The following TANC2 variants were observed in gnomAD, a reference collection of about 807,000 sequenced individuals.
TANC2 encodes the protein tetratricopeptide repeat, ankyrin repeat and coiled-coil containing 2.
Under a neutral mutation model 210.5 loss-of-function variants are expected in TANC2, and 26 were observed. That is an observed-to-expected ratio of 0.12 (90% CI 0.09 to 0.17). The LOEUF (loss-of-function observed/expected upper bound fraction) is 0.17, where lower values mean the gene tolerates loss of function less well. Ranked by LOEUF, TANC2 falls within the 10% of genes least tolerant of loss-of-function variation. TANC2 has a pLI of 1.00. For missense variants in TANC2, 2,129 were observed against 2,608.9 expected (o/e 0.82, Z 4.01); for synonymous variants, 931 against 967.1 (o/e 0.96, Z 0.69).
At chr17:63,058,094 A>G (rs1361136388) in intron 2 of TANC2, among the ~76,000 whole-genome samples, 3 of 152,120 alleles carry the variant, frequency 2.0e-5, no homozygotes, top group African/African-American at 7.2e-5. Flanking sequence ...GCCAGTATCT[A>G]TCATTTTTTT....
At chr17:63,040,679 A>G (rs1293632024) in intron 2 of TANC2, among the ~76,000 whole-genome samples, 1 of 152,182 alleles carries the variant, frequency 6.6e-6, no homozygotes, top group Non-Finnish European at 1.5e-5. Context: ...TGCTGTATTA[A>G]TAGCACAGAA....
intron 9 of TANC2, among the ~76,000 whole-genome samples, chr17:63,282,717 T>C (rs1459782687): frequency 1.3e-5 from 2 of 152,118 alleles, no homozygotes; most frequent in African/African-American, 4.8e-5. Context: ...TTTTAAACTT[T>C]TGATATTCTA....
In TANC2 at chr17:63,009,015, G is replaced by C. The variant is rs181412762; in HGVS notation, c.-23-522G>C. Among the ~76,000 whole-genome samples the C allele has an allele frequency of 4.0e-3, 601 of 152,036 alleles. 2 individuals are homozygous for C. Among genetic ancestry groups the C allele is most frequent in the Non-Finnish European group, 6.2e-3 (422 of 67,946 alleles). On this transcript the variant is annotated intron_variant, in intron 1 of 27. Transcript: ENST00000689528. ...ATTTCTTAGGGTGGTCAAAAGTATTGTATTCTTTTAAGGAATTATTTAAAT... is the reference window on the plus strand; with the variant it reads ...ATTTCTTAGGGTGGTCAAAAGTATTCTATTCTTTTAAGGAATTATTTAAAT...
chr17:63,069,313 C>T (rs2036313849), intron 2 of TANC2, among the ~76,000 whole-genome samples: 2 of 152,026 alleles, frequency 1.3e-5, no homozygotes, highest in African/African-American at 4.8e-5. Flanking sequence ...CCTGTGAATT[C>T]TAGAATATTT....
At chr17:63,325,568 G>C (rs2045622134) in intron 11 of TANC2, among the ~76,000 whole-genome samples, 3 of 152,086 alleles carry the variant, frequency 2.0e-5, no homozygotes, top group African/African-American at 4.8e-5. Flanking sequence ...AATTGCCTCT[G>C]TTTCCTGCTA....
rs1410675118 is a variant in TANC2, at chr17:63,154,614, C to A, written c.433+3234C>A. The A allele has an allele frequency of 2.0e-5, 3 of 152,032 alleles. No homozygotes were observed. In the East Asian group the frequency reaches 5.8e-4, roughly 29 times the overall value. The allele number at this position is 152,032 out of a possible 1,614,324, so 9.4% of individuals were successfully genotyped here. On this transcript the variant is annotated intron_variant, in intron 5 of 27. Coordinates refer to ENST00000689528, the Ensembl canonical transcript of TANC2. ...AAAAATAGAGATGATAATTTTAAAT[C>A]AGTTTAATATATATAAAGCACTTAG...
rs1416660198 is a variant in TANC2, at chr17:63,415,685, G to A, written c.4167+11G>A. ...CGCAGGAAAATGAACGTAAGTCCCTGTCACCCCAACTCCTTTCTGCAATCC... is the reference window on the plus strand; with the variant it reads ...CGCAGGAAAATGAACGTAAGTCCCTATCACCCCAACTCCTTTCTGCAATCC... On this transcript the variant is annotated intron_variant, in intron 26 of 27. Transcript: ENST00000689528. 12 of 1,611,242 alleles carry A rather than the reference G, an allele frequency of 7.4e-6. No homozygotes were observed. Among genetic ancestry groups the A allele is most frequent in the Non-Finnish European group, 1.0e-5 (12 of 1,178,600 alleles).
Position 63,412,732 on chromosome 17 carries a change from T to A in TANC2, c.3928+23T>A. ...GAGGTATATTTCACCGCTGTCAGCA[T>A]CAGGCGTGGTCTGATGGCTTGGTCA... On this transcript the variant is annotated intron_variant, in intron 24 of 27. Transcript: ENST00000689528. This position sits in a 1 kb window ranked among gnomAD's most constrained non-coding sequence, Gnocchi z 4.2. 6.5e-7 allele frequency: 1 copy of A among 1,535,998 alleles called. No individual in the cohort carries two copies. The highest frequency in any genetic ancestry group is 8.7e-7 in the Non-Finnish European group (1 of 1,146,876).
At chr17:63,151,300 G>A (rs1234424611) in exon 5 of TANC2, 79 of 985,490 alleles carry the variant, frequency 8.0e-5, no homozygotes, top group Non-Finnish European at 9.4e-5. Context: ...TTTGTTGAGA[G>A]CCCACGAATT....
At chr17:63,254,407 A>G (rs1352232430) in intron 8 of TANC2, among the ~76,000 whole-genome samples, 2 of 152,166 alleles carry the variant, frequency 1.3e-5, no homozygotes, top group Non-Finnish European at 2.9e-5. Flanking sequence ...ATATAAGATC[A>G]TATCATCTGC....
At chr17:63,280,159 ATTCCAC>A (rs1372166880) in intron 9 of TANC2, among the ~76,000 whole-genome samples, 1 of 152,104 alleles carries the variant, frequency 6.6e-6, no homozygotes, top group African/African-American at 2.4e-5. Flanking sequence ...AAAGCAGTTA[ATTCCAC>A]TTGCCCAGGG....
chr17:63,047,139 C>T (rs1310935296), intron 2 of TANC2, among the ~76,000 whole-genome samples: 2 of 152,104 alleles, frequency 1.3e-5, no homozygotes, highest in Non-Finnish European at 2.9e-5. Context: ...ATCCCCACTC[C>T]TTAGGTATAC....
intron 10 of TANC2, among the ~76,000 whole-genome samples, chr17:63,317,998 C>G (rs948511851): frequency 1.3e-5 from 2 of 152,162 alleles, no homozygotes; most frequent in African/African-American, 4.8e-5. Flanking sequence ...TCACACAGTC[C>G]TTGAGGCTTC....
chr17:63,232,382 T>A (rs1175411766), intron 7 of TANC2, among the ~76,000 whole-genome samples: 1 of 152,250 alleles, frequency 6.6e-6, no homozygotes, highest in Non-Finnish European at 1.5e-5. Flanking sequence ...CTTTCTCATC[T>A]TCGTGAGTTC....
Position 63,177,295 on chromosome 17 carries a change from T to C in TANC2, c.434-16696T>C, listed in dbSNP as rs2040622530. ...AAAAAAAAAAAAAACACAAAATTTATTGAATTGTATATGTTATATAGGTAA... is the reference window on the plus strand; with the variant it reads ...AAAAAAAAAAAAAACACAAAATTTACTGAATTGTATATGTTATATAGGTAA... On this transcript the variant is annotated intron_variant, in intron 5 of 27. Coordinates refer to ENST00000689528, the Ensembl canonical transcript of TANC2. Among the ~76,000 whole-genome samples, 3 of 150,156 alleles carry C rather than the reference T, an allele frequency of 2.0e-5. No individual in the cohort carries two copies. The South Asian group carries it at 6.3e-4, about 31-fold the overall frequency.
rs564518816 is a variant in TANC2 at position 63,138,874 on chromosome 17, T to C, written c.323-12396T>C. Among the ~76,000 whole-genome samples, 9 of 152,360 alleles carry C rather than the reference T, an allele frequency of 5.9e-5. No homozygotes were observed. The South Asian group carries it at 1.7e-3, about 28-fold the overall frequency. The stretch of plus-strand genomic sequence containing the variant: ...ACCACACTTGTCTAAGTTACGAAGC[T>C]GCATTGTAACCATGGACATAGATTC... On this transcript the variant is annotated intron_variant, in intron 4 of 27. Transcript: ENST00000689528.
intron 8 of TANC2, among the ~76,000 whole-genome samples, chr17:63,248,941 T>A (rs1024485978): frequency 6.6e-6 from 1 of 152,132 alleles, no homozygotes; most frequent in African/African-American, 2.4e-5. Flanking sequence ...TAGTGAAAAT[T>A]TTTAAAATCG....
chr17:63,102,848 A>C (rs539721363), intron 4 of TANC2, among the ~76,000 whole-genome samples: 7 of 152,320 alleles, frequency 4.6e-5, no homozygotes, highest in Non-Finnish European at 8.8e-5. Context: ...ACACAGATTG[A>C]AAATATTTTT....
chr17:63,002,229 A>G (rs1419893706), intron 1 of TANC2, among the ~76,000 whole-genome samples: 1 of 152,226 alleles, frequency 6.6e-6, no homozygotes, highest in African/African-American at 2.4e-5. Flanking sequence ...TCTCTAGGGT[A>G]GAAGTAGTAA....
Sources: gnomAD v4.1 joint callset for allele counts (sites outside exome capture counted in the v4.1 genomes callset) on GRCh38, gnomAD v4.1.1 for gene constraint, Gnocchi (gnomAD v3.1) non-coding constraint, MANE v1.5 for transcripts, NCBI Gene and HGNC (gene_info 2026-07-23, HGNC 2026-07-21) for gene names.